The following MYO16 variants were observed in gnomAD, a reference collection of about 807,000 sequenced individuals.
MYO16 encodes the protein myosin XVI.
A neutral mutation model predicts 205.3 loss-of-function variants in MYO16; 94 were observed. The observed-to-expected ratio is 0.46, with a 90% CI of 0.39 to 0.54. The LOEUF (loss-of-function observed/expected upper bound fraction) is 0.54. Among genes scored for constraint, MYO16 ranks in the 20% least tolerant of loss-of-function variants. The probability of loss-of-function intolerance (pLI) is 0.00; values close to 1 mark genes in which losing one functional copy is unlikely to be tolerated. For synonymous variants in MYO16, 988 were observed against 954.0 expected, an observed-to-expected ratio of 1.04 and a Z score of -0.66; for missense variants, 2,315 against 2,387.5, an observed-to-expected ratio of 0.97 and a Z score of 0.63.
intron 32 of MYO16, among the ~76,000 whole-genome samples, chr13:109,145,615 T>C (rs567607326): frequency 2.8e-4 from 43 of 152,186 alleles, no homozygotes; most frequent in Non-Finnish European, 5.9e-4. Context: ...ATTCACAACA[T>C]TTTTTTCCAT....
At chr13:108,869,425 T>C (rs1472254053) in intron 12 of MYO16, among the ~76,000 whole-genome samples, 1 of 151,694 alleles carries the variant, frequency 6.6e-6, no homozygotes, top group Non-Finnish European at 1.5e-5. Flanking sequence ...ATAAAAACAG[T>C]TTAAAAAATC....
At chr13:108,805,969 G>A (rs1247083295) in intron 6 of MYO16, among the ~76,000 whole-genome samples, 2 of 57,214 alleles carry the variant, frequency 3.5e-5, no homozygotes, top group Non-Finnish European at 9.0e-5. Context: ...AAATTAGCTG[G>A]GTTTAGTGGC....
At position 108,597,067 on chromosome 13, in the gene MYO16, C is replaced by T. The variant is rs567153223; in HGVS notation, c.-39+828C>T. On this transcript the variant is annotated intron_variant, in intron 1 of 24. Transcript: ENST00000251041. ...ACATGTACCCTGAAACTATATACAT[C>T]TATTATGCATCAATACAAATTGTTT... 5.3e-5 allele frequency among the ~76,000 whole-genome samples: 8 copies of T among 152,232 alleles called. No homozygotes were observed. In the South Asian group the frequency reaches 1.5e-3, roughly 28 times the overall value.
At chr13:109,192,549 T>A (rs1283068727) in intron 34 of MYO16, among the ~76,000 whole-genome samples, 2 of 152,158 alleles carry the variant, frequency 1.3e-5, no homozygotes, top group Non-Finnish European at 2.9e-5. Context: ...AGCTAAACTA[T>A]GTGTCCCAGT....
the MYO16 span, among the ~76,000 whole-genome samples, chr13:108,502,853 G>T: frequency 7.6e-4 from 116 of 152,088 alleles, no homozygotes; most frequent in East Asian, 0.021. Flanking sequence ...TTATTATTTG[G>T]AACAGAGAAT....
At chr13:108,735,799 C>T (rs1316770149) in intron 4 of MYO16, among the ~76,000 whole-genome samples, 1 of 151,694 alleles carries the variant, frequency 6.6e-6, no homozygotes, top group Non-Finnish European at 1.5e-5. Flanking sequence ...TCCTCTCCAG[C>T]ACCTGTTGTT....
chr13:108,830,938 T>A (rs1876584286), intron 9 of MYO16, among the ~76,000 whole-genome samples: 1 of 152,174 alleles, frequency 6.6e-6, no homozygotes, highest in Non-Finnish European at 1.5e-5. Context: ...CCAAATCACA[T>A]ATGCCATATC....
chr13:109,083,590 AG>A (rs935079236), intron 27 of MYO16, among the ~76,000 whole-genome samples: 1 of 152,088 alleles, frequency 6.6e-6, no homozygotes, highest in Non-Finnish European at 1.5e-5. Flanking sequence ...GACAAAAAGA[AG>A]GTAAAATACC....
At chr13:108,955,764 T>A (rs1883324990) in intron 16 of MYO16, among the ~76,000 whole-genome samples, 1 of 152,140 alleles carries the variant, frequency 6.6e-6, no homozygotes, top group African/African-American at 2.4e-5. Context: ...GGCAGCGGAA[T>A]TGCTTGAACC....
At chr13:108,736,808 T>C (rs1461263657) in intron 4 of MYO16, among the ~76,000 whole-genome samples, 1 of 152,192 alleles carries the variant, frequency 6.6e-6, no homozygotes, top group Non-Finnish European at 1.5e-5. Flanking sequence ...TTGTGTCCTC[T>C]TATTTCATTG....
At chr13:108,730,395 T>C (rs753516587) in intron 4 of MYO16, among the ~76,000 whole-genome samples, 1 of 152,152 alleles carries the variant, frequency 6.6e-6, no homozygotes, top group Non-Finnish European at 1.5e-5. Flanking sequence ...GTCTAGGGTA[T>C]TTCTTCATAG....
At chr13:108,580,487 C>A in the MYO16 span, among the ~76,000 whole-genome samples, 1 of 152,178 alleles carries the variant, frequency 6.6e-6, no homozygotes, top group Non-Finnish European at 1.5e-5. Context: ...TAACAACTCT[C>A]TCTTTTTGCG....
chr13:108,649,224 T>TAA (rs11376513), intron 1 of MYO16, among the ~76,000 whole-genome samples: 6 of 151,776 alleles, frequency 4.0e-5, no homozygotes, highest in African/African-American at 1.2e-4. Context: ...TAAAGTATAA[T>TAA]AAAAAAAATT....
chr13:108,957,407 A>AAAC (rs1883408061), intron 16 of MYO16, among the ~76,000 whole-genome samples: 3 of 151,898 alleles, frequency 2.0e-5, no homozygotes, highest in Admixed American at 1.3e-4. Flanking sequence ...AAAAACAAAA[A>AAAC]CATGAATCAC....
At chr13:108,896,763 G>C (rs1194879106) in intron 14 of MYO16, among the ~76,000 whole-genome samples, 3 of 152,142 alleles carry the variant, frequency 2.0e-5, no homozygotes, top group African/African-American at 7.2e-5. Context: ...GAGGTCAGGA[G>C]TTTGAGACCA....
chr13:108,698,889 A>G (rs1021396940), intron 2 of MYO16, among the ~76,000 whole-genome samples: 6 of 152,150 alleles, frequency 3.9e-5, no homozygotes, highest in African/African-American at 1.4e-4. Flanking sequence ...ATAATATCAT[A>G]CTTTCATCAC....
chr13:109,184,904 G>A (rs1292968040), intron 34 of MYO16, among the ~76,000 whole-genome samples: 1 of 152,132 alleles, frequency 6.6e-6, no homozygotes, highest in Non-Finnish European at 1.5e-5. Context: ...GAGTAGCTGG[G>A]GCTACAGGCA....
At chr13:109,067,115 G>T (rs1388645138) in intron 27 of MYO16, among the ~76,000 whole-genome samples, 1 of 151,980 alleles carries the variant, frequency 6.6e-6, no homozygotes, top group Non-Finnish European at 1.5e-5. Context: ...CATCATCATG[G>T]GTCACCGCTG....
chr13:109,205,915 C>G (rs1005079685), intron 34 of MYO16, among the ~76,000 whole-genome samples: 1 of 152,222 alleles, frequency 6.6e-6, no homozygotes, highest in African/African-American at 2.4e-5. Flanking sequence ...CTCACTGCCA[C>G]CAAATAGAGC....
Sources: allele counts gnomAD v4.1 joint callset (sites outside exome capture counted in the v4.1 genomes callset), GRCh38; gene constraint gnomAD v4.1.1; transcripts MANE v1.5; gene names NCBI Gene and HGNC (gene_info 2026-07-23, HGNC 2026-07-21).